Variants in TKTL1 observed in about 807,000 individuals in gnomAD.
TKTL1 encodes transketolase like 1.
Under a neutral mutation model 39.3 loss-of-function variants are expected in TKTL1, and 1 was observed. The ratio of observed to expected loss-of-function variants is 0.03; its 90% CI spans 0.01 to 0.12. The LOEUF (loss-of-function observed/expected upper bound fraction) is 0.12, where lower values mean the gene tolerates loss of function less well. Among genes scored for constraint, TKTL1 ranks in the 10% least tolerant of loss-of-function variants. The pLI, the probability that TKTL1 is intolerant of heterozygous loss-of-function variation, is 1.00. For missense variants in TKTL1, 575 were observed against 509.6 expected, an observed-to-expected ratio of 1.13 and a Z score of -1.24; for synonymous variants, 262 against 193.8, an observed-to-expected ratio of 1.35 and a Z score of -2.92.
intron 8 of TKTL1, among the ~76,000 whole-genome samples, chrX:154,322,978 T>C (rs1406341696): frequency 8.9e-6 from 1 of 112,083 alleles, no homozygotes; most frequent in Admixed American, 9.5e-5. Flanking sequence ...CTGAGACTTT[T>C]CAGTTGACTA....
chrX:154,308,974 A>T (rs1177436921), intron 2 of TKTL1, among the ~76,000 whole-genome samples: 1 of 110,830 alleles, frequency 9.0e-6, no homozygotes, highest in Non-Finnish European at 1.9e-5. Flanking sequence ...CAAGAATCAT[A>T]CTTTACGTTT....
intron 3 of TKTL1, among the ~76,000 whole-genome samples, chrX:154,310,191 T>C (rs1184147525): frequency 9.0e-6 from 1 of 110,910 alleles, no homozygotes; most frequent in Admixed American, 9.5e-5. Context: ...AGGCGGTGGC[T>C]CACGCCTGTA....
chrX:154,298,926 T>A (rs1378987428), intron 1 of TKTL1, among the ~76,000 whole-genome samples: 4 of 109,572 alleles, frequency 3.7e-5, no homozygotes. Flanking sequence ...GCCAGGTTGG[T>A]TTCAGACCCC....
chrX:154,317,622 A>G (rs1385015161), intron 7 of TKTL1, among the ~76,000 whole-genome samples: 4 of 112,899 alleles, frequency 3.5e-5, no homozygotes, highest in Non-Finnish European at 5.6e-5. Flanking sequence ...GCGTTTTCCA[A>G]AACTCTGAAG....
chrX:154,305,644 T>C, intron 2 of TKTL1, among the ~76,000 whole-genome samples: 1 of 111,306 alleles, frequency 9.0e-6, no homozygotes, highest in South Asian at 3.8e-4. Context: ...TCCTTTCCTT[T>C]GGTCACACCC....
intron 1 of TKTL1, among the ~76,000 whole-genome samples, chrX:154,298,353 A>G (rs192393529): frequency 6.8e-4 from 76 of 111,650 alleles, no homozygotes; most frequent in African/African-American, 2.3e-3. Flanking sequence ...AGTAGCTGGA[A>G]CTACAGGTGC....
At chrX:154,305,533 C>T in intron 2 of TKTL1, 112 bp downstream of exon 2, 5 of 964,141 alleles carry the variant, frequency 5.2e-6, no homozygotes, top group African/African-American at 1.9e-5. Context: ...TATTTTGGTT[C>T]TTCTTTCTTT....
At chrX:154,323,528 A>G (rs1557171335) in intron 9 of TKTL1, among the ~76,000 whole-genome samples, 191 bp downstream of exon 9, 1 of 112,469 alleles carries the variant, frequency 8.9e-6, no homozygotes, top group Non-Finnish European at 1.9e-5. Context: ...AGAGTCCAAC[A>G]GTACAGGATA....
intron 2 of TKTL1, among the ~76,000 whole-genome samples, chrX:154,307,656 T>C (rs1557167500): frequency 1.8e-5 from 2 of 112,412 alleles, no homozygotes; most frequent in African/African-American, 6.5e-5. Context: ...ACCCATAAAG[T>C]CTTTGAGATG....
chrX:154,327,738 C>T (rs1213224869), intron 11 of TKTL1, 51 bp downstream of exon 11: 1 of 1,183,877 alleles, frequency 8.4e-7, no homozygotes, highest in Non-Finnish European at 1.1e-6. Context: ...AGAGGTAGGA[C>T]TTCAGCTACC....
chrX:154,315,127 A>T, intron 6 of TKTL1, 46 bp from the exon 7 acceptor site: 1 of 1,157,271 alleles, frequency 8.6e-7, no homozygotes, highest in Non-Finnish European at 1.2e-6. Flanking sequence ...GTTCCTTCTA[A>T]ATGCATTTGA....
rs200876561 is a variant in TKTL1 at position 154,315,242 on chromosome X, C to G, written c.934C>G (p.Leu312Val). 9.9e-6 allele frequency: 12 copies of G among 1,209,309 alleles called. No individual in the cohort carries two copies. Among genetic ancestry groups the G allele is most frequent in the South Asian group, 3.5e-5 (2 of 56,791 alleles). ...LGYANNRVVV[L>V]DGDTRYSTFS... Reference sequence around the variant, plus strand: ...CTACGCGAACAACAGAGTCGTTGTGCTGGATGGTGACACCAGGTACTCTAC... The same window carrying G: ...CTACGCGAACAACAGAGTCGTTGTGGTGGATGGTGACACCAGGTACTCTAC... The change falls in exon 7 of 13, where the codon CTG becomes GTG. Residue 312 changes from leucine (L) to valine (V), a missense_variant. Physicochemically the swap from Leu to Val is conservative, Grantham distance 32 (BLOSUM62 1). Coordinates refer to ENST00000369915, the MANE Select transcript of TKTL1 (RefSeq NM_012253.4).
intron 1 of TKTL1, among the ~76,000 whole-genome samples, chrX:154,297,766 C>G (rs1254113725): frequency 1.8e-5 from 2 of 110,325 alleles, no homozygotes; most frequent in Non-Finnish European, 3.8e-5. Flanking sequence ...ATGGCAATCC[C>G]CTGTGCAGAA....
intron 7 of TKTL1, among the ~76,000 whole-genome samples, chrX:154,316,317 G>C (rs368532428): frequency 9.0e-6 from 1 of 111,042 alleles, no homozygotes; most frequent in African/African-American, 3.3e-5. Flanking sequence ...TGATCCGTCC[G>C]CCTCGGCCTC....
At chrX:154,326,913 G>A (rs2067497177) in intron 10 of TKTL1, among the ~76,000 whole-genome samples, 1 of 112,300 alleles carries the variant, frequency 8.9e-6, no homozygotes, top group African/African-American at 3.2e-5. Context: ...CATCCTTAAA[G>A]AATGGGGTGG....
chrX:154,312,580 G>GTAT lies in TKTL1; in HGVS notation c.673_675dup (p.Ile225dup). On this transcript the variant is annotated inframe_insertion and splice_region_variant, in exon 6 of 13. Coordinates refer to ENST00000369915, the MANE Select transcript of TKTL1 (RefSeq NM_012253.4). ...ATGTCTTTTGTTTGTTTCATTACAG[G>GTAT]TATTGAGGATGCAGAAAGTTGGCAT... 1 of 1,207,768 alleles carries GTAT rather than the reference G, an allele frequency of 8.3e-7. No individual in the cohort carries two copies. The highest frequency in any genetic ancestry group is 1.1e-6 in the Non-Finnish European group (1 of 892,946).
rs1557168182 is a variant in TKTL1, at chrX:154,310,917, C to T, written c.432C>T (p.Tyr144=). Residue 144 remains tyrosine, a synonymous_variant, in exon 4 of 13, where the codon TAC becomes TAT. Coordinates refer to ENST00000369915, the MANE Select transcript of TKTL1 (RefSeq NM_012253.4). ...VWEAMAFASY[Y]SLDNLVAIFD... is the part of the protein sequence containing the mutation. ...AGGCAATGGCCTTTGCTTCCTACTA[C>T]AGTCTGGACAATCTTGTGGCAATCT... 2.5e-6 allele frequency: 3 copies of T among 1,211,957 alleles called. No homozygotes were observed. The highest frequency in any genetic ancestry group is 3.5e-5 in the South Asian group (2 of 57,012).
chrX:154,318,767 C>G (rs1424400197), intron 7 of TKTL1, among the ~76,000 whole-genome samples: 1 of 104,436 alleles, frequency 9.6e-6, no homozygotes, highest in African/African-American at 3.5e-5. Flanking sequence ...GAGACCTGGT[C>G]TGTAATTAAA....
At chrX:154,298,915 G>T (rs1159664986) in intron 1 of TKTL1, among the ~76,000 whole-genome samples, 1 of 109,494 alleles carries the variant, frequency 9.1e-6, no homozygotes, top group African/African-American at 3.3e-5. Flanking sequence ...TCTCCTTGTT[G>T]GCCAGGTTGG....
Sources: gnomAD v4.1 joint callset for allele counts (sites outside exome capture counted in the v4.1 genomes callset) on GRCh38, gnomAD v4.1.1 for gene constraint, MANE v1.5 for transcripts, NCBI Gene and HGNC (gene_info 2026-07-23, HGNC 2026-07-21) for gene names.